Variants in RFX2 observed in about 807,000 individuals in gnomAD.
The protein encoded by RFX2 is regulatory factor X2.
A neutral mutation model predicts 87.8 loss-of-function variants in RFX2; 20 were observed. The ratio of observed to expected loss-of-function variants is 0.23; its 90% confidence interval spans 0.16 to 0.33. The LOEUF (loss-of-function observed/expected upper bound fraction) is 0.33. Among genes scored for constraint, RFX2 ranks in the 10% least tolerant of loss-of-function variants. RFX2 has a pLI of 1.00. For missense variants in RFX2, 767 were observed against 1,012.3 expected (o/e 0.76, Z 3.29); for synonymous variants, 397 against 431.3 (o/e 0.92, Z 0.98).
At position 5,998,980 on chromosome 19, in the gene RFX2, G is replaced by A. The variant is rs2086455836; in HGVS notation, c.1860-1767C>T. Among the ~76,000 whole-genome samples the A allele has an allele frequency of 6.6e-6, 1 of 152,218 alleles. No homozygotes were observed. Among genetic ancestry groups the A allele is most frequent in the South Asian group, 2.1e-4 (1 of 4,830 alleles). On this transcript the variant is annotated intron_variant, in intron 15 of 17. Coordinates refer to ENST00000303657, the MANE Select transcript of RFX2 (RefSeq NM_000635.4). This position sits in a 1 kb window ranked among gnomAD's most constrained non-coding sequence, Gnocchi z 4.2. ...GTGCATAAGAATGAAGTCAGACCAGGCGTGGTGGCTCATGACTGGAATCGC... is the reference window on the plus strand; with the variant it reads ...GTGCATAAGAATGAAGTCAGACCAGACGTGGTGGCTCATGACTGGAATCGC...
intron 5 of RFX2, among the ~76,000 whole-genome samples, chr19:6,034,715 G>A (rs1259279126): frequency 1.3e-5 from 2 of 152,164 alleles, no homozygotes; most frequent in East Asian, 1.9e-4. Context: ...GAAGAGATGT[G>A]TGTGACTCCT....
chr19:6,000,869 C>T (rs974771707), intron 15 of RFX2, among the ~76,000 whole-genome samples: 1 of 152,256 alleles, frequency 6.6e-6, no homozygotes, highest in African/African-American at 2.4e-5. Flanking sequence ...TCACGTGGGG[C>T]CTGTCAGCCA....
chr19:6,029,577 T>C (rs1048788315), intron 5 of RFX2, among the ~76,000 whole-genome samples: 1 of 152,056 alleles, frequency 6.6e-6, no homozygotes, highest in Admixed American at 6.6e-5. Context: ...GGCGTGGTGG[T>C]GGGCGTCTGT....
intron 1 of RFX2, among the ~76,000 whole-genome samples, chr19:6,077,670 T>C (rs925756187): frequency 6.6e-6 from 1 of 152,078 alleles, no homozygotes; most frequent in African/African-American, 2.4e-5. Context: ...GCCCAAATGT[T>C]TGTCAACTGA....
chr19:6,035,850 G>GGTGTGTGTGT (rs34008943), intron 5 of RFX2, among the ~76,000 whole-genome samples: 1,428 of 137,208 alleles, frequency 0.01, 30 homozygotes, highest in African/African-American at 0.04. Context: ...CTTGGTGGGG[G>GGTGTGTGTGT]GTGTGTGTGT....
In RFX2 at chr19:6,044,099, G is replaced by T; in HGVS notation, c.180+94C>A. 1.6e-6 allele frequency: 1 copy of T among 617,940 alleles called. No individual in the cohort carries two copies. The highest frequency in any genetic ancestry group is 2.4e-6 in the Non-Finnish European group (1 of 412,530). The allele number at this position is 617,940 out of a possible 1,614,324, so 38.3% of individuals were successfully genotyped here. ...CTGAAGCTTACAACAAGGAACAGCA[G>T]CCACAGAAAAGGATGCATCCTTCAG... On this transcript the variant is annotated intron_variant, in intron 3 of 17. Transcript: ENST00000303657. The surrounding 1 kb of genome is among the most constrained non-coding windows in gnomAD (Gnocchi z 5.3).
rs751746623 is a variant in RFX2, at chr19:6,024,976, C to T, written c.597+1187G>A. Among the ~76,000 whole-genome samples, 6 of 151,914 alleles carry T rather than the reference C, an allele frequency of 3.9e-5. No individual in the cohort carries two copies. The highest frequency in any genetic ancestry group is 7.4e-5 in the Non-Finnish European group (5 of 67,962). ...GAGGACGGGAGTCAGGACGGGATCA[C>T]GGTGATGACTGGGGTCCACTGAAGG... On this transcript the variant is annotated intron_variant, in intron 6 of 17. Transcript: ENST00000303657. This position sits in a 1 kb window ranked among gnomAD's most constrained non-coding sequence, Gnocchi z 5.0.
rs2086687781 is a variant in RFX2, at chr19:6,013,631, T to G, written c.780-526A>C. Among the ~76,000 whole-genome samples, 4 of 152,184 alleles carry G rather than the reference T, an allele frequency of 2.6e-5. No individual in the cohort carries two copies. Among genetic ancestry groups the G allele is most frequent in the African/African-American group, 7.2e-5 (3 of 41,448 alleles). On this transcript the variant is annotated intron_variant, in intron 7 of 17. Coordinates refer to ENST00000303657, the MANE Select transcript of RFX2 (RefSeq NM_000635.4). This position sits in a 1 kb window ranked among gnomAD's most constrained non-coding sequence, Gnocchi z 4.1. ...ACCTCCTGGGATCAAGTGATCCTCC[T>G]GCCTCAGCCTCTGAGTAGCTGGGAC...
Position 6,101,663 on chromosome 19 carries a change from A to G in RFX2, c.-9+8730T>C, listed in dbSNP as rs983505526. Among the ~76,000 whole-genome samples the G allele has an allele frequency of 6.6e-6, 1 of 152,240 alleles. No homozygotes were observed. The highest frequency in any genetic ancestry group is 2.4e-5 in the African/African-American group (1 of 41,456). On this transcript the variant is annotated intron_variant, in intron 1 of 17. Coordinates refer to ENST00000303657, the MANE Select transcript of RFX2 (RefSeq NM_000635.4). This position sits in a 1 kb window ranked among gnomAD's most constrained non-coding sequence, Gnocchi z 4.9. The stretch of plus-strand genomic sequence containing the variant: ...CCAGGAGACAGGCGTTCATGAGTCA[A>G]GCCTTCTGCCTTTCTGTGGGGACCC...
chr19:6,109,670 C>A (rs1209444392), intron 1 of RFX2, among the ~76,000 whole-genome samples: 1 of 152,110 alleles, frequency 6.6e-6, no homozygotes, highest in Non-Finnish European at 1.5e-5. Context: ...GGGGTCACCC[C>A]AATTTCGGAG....
rs960233049 is a variant in RFX2, at chr19:6,080,671, C to G, written c.-9+29722G>C. On this transcript the variant is annotated intron_variant, in intron 1 of 17. Coordinates refer to ENST00000303657, the MANE Select transcript of RFX2 (RefSeq NM_000635.4). ...AGGATGTGGGAGAGAGCAGCCTGGGCAAGAGGAATAGCTGTGCAAAGGTCT... is the reference window on the plus strand; with the variant it reads ...AGGATGTGGGAGAGAGCAGCCTGGGGAAGAGGAATAGCTGTGCAAAGGTCT... Among the ~76,000 whole-genome samples the G allele has an allele frequency of 2.6e-5, 4 of 152,084 alleles. No homozygotes were observed. The East Asian group carries it at 7.7e-4, about 29-fold the overall frequency.
At chr19:6,075,127 C>T (rs1042961687) in intron 1 of RFX2, among the ~76,000 whole-genome samples, 2 of 152,190 alleles carry the variant, frequency 1.3e-5, no homozygotes, top group Non-Finnish European at 2.9e-5. Flanking sequence ...TGCTGGCACC[C>T]TCTTCTCAGA....
intron 12 of RFX2, among the ~76,000 whole-genome samples, chr19:6,005,170 A>G (rs2086564051): frequency 6.6e-6 from 1 of 152,200 alleles, no homozygotes; most frequent in South Asian, 2.1e-4. Flanking sequence ...CTCCCACCAT[A>G]ACATAGAAAC....
Position 5,998,635 on chromosome 19 carries a change from T to C in RFX2, c.1860-1422A>G, listed in dbSNP as rs2144663546. Reference sequence around the variant, plus strand: ...CACCCAGGTTGGCTTCCAAGCCCCCTTTCCCCAAAGGCCTCCCCCACGCAG... The same window carrying C: ...CACCCAGGTTGGCTTCCAAGCCCCCCTTCCCCAAAGGCCTCCCCCACGCAG... On this transcript the variant is annotated intron_variant, in intron 15 of 17. Coordinates refer to ENST00000303657, the MANE Select transcript of RFX2 (RefSeq NM_000635.4). This position sits in a 1 kb window ranked among gnomAD's most constrained non-coding sequence, Gnocchi z 4.2. Among the ~76,000 whole-genome samples, 1 of 152,184 alleles carries C rather than the reference T, an allele frequency of 6.6e-6. No homozygotes were observed. The highest frequency in any genetic ancestry group is 6.5e-5 in the Admixed American group (1 of 15,290).
chr19:6,067,111 C>A (rs1158523749), intron 1 of RFX2, among the ~76,000 whole-genome samples: 1 of 152,184 alleles, frequency 6.6e-6, no homozygotes, highest in African/African-American at 2.4e-5. Flanking sequence ...GGATTTCAAT[C>A]CTTCCTAGTA....
At chr19:6,088,906 C>T (rs2087894714) in intron 1 of RFX2, among the ~76,000 whole-genome samples, 1 of 152,152 alleles carries the variant, frequency 6.6e-6, no homozygotes, top group South Asian at 2.1e-4. Flanking sequence ...GGCTGTGTGC[C>T]AATAAAACTT....
chr19:6,025,290 G>A (rs757865331), intron 6 of RFX2, among the ~76,000 whole-genome samples: 139 of 152,134 alleles, frequency 9.1e-4, no homozygotes, highest in Non-Finnish European at 1.7e-3. Context: ...GAGCTGAGAT[G>A]CCCCCAACCT....
chr19:6,002,006 C>T lies in RFX2; in HGVS notation c.1668G>A (p.Val556=), dbSNP rs2144671360. Residue 556 remains valine, a synonymous_variant, in exon 15 of 18, where the codon GTG becomes GTA. Transcript: ENST00000303657. The surrounding 1 kb of genome is among the most constrained non-coding windows in gnomAD (Gnocchi z 6.7). ...GCACCACACTCTCCTCGCACTGGCA[C>T]ACCCACGAGGCCTGCTCCTGTGGGC... ...FANVQEQASW[V]CQCEESVVQR... The T allele has an allele frequency of 6.2e-7, 1 of 1,609,604 alleles. No individual in the cohort carries two copies. The highest frequency in any genetic ancestry group is 2.2e-5 in the East Asian group (1 of 44,850).
intron 1 of RFX2, among the ~76,000 whole-genome samples, chr19:6,069,607 A>G (rs144212801): frequency 2.4e-4 from 37 of 152,350 alleles, no homozygotes; most frequent in African/African-American, 8.9e-4. Flanking sequence ...GGAGCCTGAA[A>G]AGAGGCCAAA....
Sources: allele counts gnomAD v4.1 joint callset (sites outside exome capture counted in the v4.1 genomes callset), GRCh38; gene constraint gnomAD v4.1.1; non-coding constraint Gnocchi (gnomAD v3.1); transcripts MANE v1.5; gene names NCBI Gene and HGNC (gene_info 2026-07-23, HGNC 2026-07-21).